The following ITGA8 variants were observed in gnomAD, a reference collection of about 807,000 sequenced individuals.
ITGA8 encodes the protein integrin subunit alpha 8, also known as integrin alpha-8.
ITGA8 carries 91 observed loss-of-function variants against 142.3 expected under a neutral mutation model. The ratio of observed to expected loss-of-function variants is 0.64; its 90% CI spans 0.54 to 0.76. ITGA8 has a LOEUF of 0.76. Among genes scored for constraint, ITGA8 ranks in the 30% least tolerant of loss-of-function variants. The pLI is 0.00. For synonymous variants in ITGA8, 505 were observed against 485.2 expected (o/e 1.04, Z -0.54); for missense variants, 1,406 against 1,327.7 (o/e 1.06, Z -0.92).
chr10:15,660,165 T>C (rs1362288938), intron 9 of ITGA8, among the ~76,000 whole-genome samples: 1 of 152,248 alleles, frequency 6.6e-6, no homozygotes, highest in Non-Finnish European at 1.5e-5. Context: ...TCCACAATTA[T>C]TCCCGGATTA....
At chr10:15,554,505 G>T (rs1448189530) in intron 26 of ITGA8, among the ~76,000 whole-genome samples, 2 of 137,166 alleles carry the variant, frequency 1.5e-5, no homozygotes, top group African/African-American at 2.7e-5. Flanking sequence ...CCTGAGTCTT[G>T]TCTCCTGTAT....
In ITGA8 at chr10:15,719,568, G is replaced by T; in HGVS notation, c.204C>A (p.Ala68=). 1 of 1,564,464 alleles carries T rather than the reference G, an allele frequency of 6.4e-7. No individual in the cohort carries two copies. The highest frequency in any genetic ancestry group is 8.6e-7 in the Non-Finnish European group (1 of 1,162,850). ...CCCCGGGTCGGGCGACTTACGTGCG[G>T]GCGTCGGGTATGTGGAAGTCCACGG... ...GYAVDFHIPD[A]RTASVLVGAP... is the part of the protein sequence containing the mutation. The change falls in exon 1 of 30, where the codon GCC becomes GCA. Residue 68 remains alanine (A), a synonymous_variant. Transcript: ENST00000378076.
Position 15,562,929 on chromosome 10 carries a change from G to C in ITGA8, c.2638-4727C>G, listed in dbSNP as rs188931097. ...CAATGTGGGAGGTGGGGCCTGGTGG[G>C]AGATGCTGGGGTCACGGGGGTGGAT... is the stretch of plus-strand genomic sequence containing the variant. On this transcript the variant is annotated intron_variant, in intron 25 of 29. Transcript: ENST00000378076. 7.2e-5 allele frequency among the ~76,000 whole-genome samples: 11 copies of C among 152,334 alleles called. No individual in the cohort carries two copies. In the East Asian group the frequency reaches 2.1e-3, roughly 29 times the overall value.
At chr10:15,718,957 T>C (rs1835505882) in intron 1 of ITGA8, 58 bp from the exon 2 acceptor site, 1 of 1,612,084 alleles carries the variant, frequency 6.2e-7, no homozygotes, top group South Asian at 1.1e-5. Context: ...GCGCATGCAA[T>C]GCAGTCTCTG....
At chr10:15,670,476 T>C (rs1186572010) in intron 8 of ITGA8, among the ~76,000 whole-genome samples, 1 of 152,240 alleles carries the variant, frequency 6.6e-6, no homozygotes, top group East Asian at 1.9e-4. Flanking sequence ...ATTCAAATTA[T>C]TTCTGTCAAG....
At chr10:15,597,135 G>C (rs906155080) in intron 21 of ITGA8, 72 bp downstream of exon 21, 16 of 1,215,022 alleles carry the variant, frequency 1.3e-5, no homozygotes, top group Non-Finnish European at 4.9e-6. Context: ...GTGGTAACTG[G>C]AGAGCTTTCC....
chr10:15,679,998 C>T (rs1218133024), intron 4 of ITGA8, among the ~76,000 whole-genome samples: 4 of 152,086 alleles, frequency 2.6e-5, no homozygotes, highest in African/African-American at 9.7e-5. Flanking sequence ...TCTTTCTTAT[C>T]AAGGATATTC....
intron 23 of ITGA8, among the ~76,000 whole-genome samples, chr10:15,579,265 A>G (rs1319943917): frequency 6.6e-6 from 1 of 152,088 alleles, no homozygotes; most frequent in Non-Finnish European, 1.5e-5. Context: ...TAATCTAGCT[A>G]TTAAAGTAGC....
intron 20 of ITGA8, among the ~76,000 whole-genome samples, chr10:15,603,133 T>G (rs371701483): frequency 1.6e-5 from 2 of 123,894 alleles, no homozygotes; most frequent in East Asian, 5.5e-4. Context: ...TTTAATTTTT[T>G]GTTTTTTACT....
chr10:15,570,087 T>G (rs1234562502), intron 25 of ITGA8, among the ~76,000 whole-genome samples: 1 of 152,116 alleles, frequency 6.6e-6, no homozygotes, highest in African/African-American at 2.4e-5. Context: ...GTGACAGTAC[T>G]TTGAGAACCT....
In ITGA8 at chr10:15,611,531, A is replaced by C. The variant is rs1336977145; in HGVS notation, c.1553+2129T>G. The C allele has an allele frequency of 4.9e-5, 7 of 142,726 alleles. No homozygotes were observed. In the South Asian group the frequency reaches 1.5e-3, roughly 31 times the overall value. 8.8% of individuals were successfully genotyped at this position (142,726 alleles called of 1,614,324 possible). A position where few individuals can be genotyped will look rare whatever the true frequency, so the allele number is the denominator to read the frequency against. On this transcript the variant is annotated intron_variant, in intron 15 of 29. Coordinates refer to ENST00000378076, the MANE Select transcript of ITGA8 (RefSeq NM_003638.3). ...TTTTGAGACAGAGTCTCCCTCTGTC[A>C]CCCAGGCTGGAGTGCAGTGGTGCGA... is the stretch of plus-strand genomic sequence containing the variant.
chr10:15,624,478 C>T (rs571971640), intron 13 of ITGA8, among the ~76,000 whole-genome samples: 5 of 152,284 alleles, frequency 3.3e-5, no homozygotes, highest in South Asian at 4.1e-4. Flanking sequence ...TTGGACTCAG[C>T]TGTGTTCCTG....
chr10:15,628,996 G>C (rs758459111), intron 13 of ITGA8, among the ~76,000 whole-genome samples: 2 of 151,938 alleles, frequency 1.3e-5, no homozygotes, highest in African/African-American at 4.9e-5. Context: ...AGGTTAAGGA[G>C]CTGCAAGTGC....
At chr10:15,693,963 C>T (rs1373877757) in intron 2 of ITGA8, among the ~76,000 whole-genome samples, 1 of 151,474 alleles carries the variant, frequency 6.6e-6, no homozygotes, top group African/African-American at 2.4e-5. Flanking sequence ...TTGGTATCAC[C>T]AGCTTAAGGT....
intron 2 of ITGA8, among the ~76,000 whole-genome samples, chr10:15,712,109 T>C (rs1835374021): frequency 6.6e-6 from 1 of 152,230 alleles, no homozygotes; most frequent in Non-Finnish European, 1.5e-5. Context: ...TAGGATTTCA[T>C]TATGGAGGAA....
At chr10:15,619,254 C>G (rs1400101026) in intron 13 of ITGA8, among the ~76,000 whole-genome samples, 1 of 152,110 alleles carries the variant, frequency 6.6e-6, no homozygotes, top group Non-Finnish European at 1.5e-5. Flanking sequence ...AATGCCTGCT[C>G]TGGGACAACC....
intron 22 of ITGA8, among the ~76,000 whole-genome samples, chr10:15,589,389 G>A (rs577241387): frequency 6.6e-6 from 1 of 152,238 alleles, no homozygotes; most frequent in East Asian, 1.9e-4. Flanking sequence ...TCTGAGACCC[G>A]TTGTACACAG....
At chr10:15,688,182 T>C in intron 2 of ITGA8, 144 bp from the exon 3 acceptor site, 3 of 625,606 alleles carry the variant, frequency 4.8e-6, no homozygotes, top group Non-Finnish European at 5.7e-6. Context: ...AGGCTGGGTA[T>C]GGTGGCTCAT....
chr10:15,578,962 C>T (rs1834351560), intron 23 of ITGA8, among the ~76,000 whole-genome samples: 1 of 151,926 alleles, frequency 6.6e-6, no homozygotes, highest in African/African-American at 2.4e-5. Flanking sequence ...TTTTCCCACC[C>T]AAATAAATGA....
Sources: allele counts gnomAD v4.1 joint callset (sites outside exome capture counted in the v4.1 genomes callset), GRCh38; gene constraint gnomAD v4.1.1; transcripts MANE v1.5; gene names NCBI Gene and HGNC (gene_info 2026-07-23, HGNC 2026-07-21).